Variants in EXTL3 observed in about 807,000 individuals in gnomAD.
EXTL3 encodes exostosin-like 3.
A neutral mutation model predicts 69.3 loss-of-function variants in EXTL3; 27 were observed. That is an observed-to-expected ratio of 0.39 (90% CI 0.29 to 0.54). The LOEUF (loss-of-function observed/expected upper bound fraction) is 0.54, where lower values mean the gene tolerates loss of function less well. Among genes scored for constraint, EXTL3 ranks in the 20% least tolerant of loss-of-function variants. The pLI, the probability that EXTL3 is intolerant of heterozygous loss-of-function variation, is 0.69. For synonymous variants in EXTL3, 511 were observed against 499.4 expected (o/e 1.02, Z -0.31); for missense variants, 1,003 against 1,231.8 (o/e 0.81, Z 2.78).
chr8:28,622,020 T>C (rs1331184094), upstream of EXTL3, among the ~76,000 whole-genome samples: 1 of 152,252 alleles, frequency 6.6e-6, no homozygotes, highest in Non-Finnish European at 1.5e-5. Flanking sequence ...CCTCGGGGCA[T>C]GTACGGGAAG....
intron 3 of EXTL3, among the ~76,000 whole-genome samples, chr8:28,729,827 A>C (rs955704354): frequency 1.3e-5 from 2 of 148,650 alleles, no homozygotes; most frequent in Non-Finnish European, 3.0e-5. Context: ...TAGTGATGAG[A>C]CTTCGAGAAC....
At chr8:28,663,435 C>T (rs1256052943) in intron 1 of EXTL3, among the ~76,000 whole-genome samples, 1 of 152,022 alleles carries the variant, frequency 6.6e-6, no homozygotes, top group Non-Finnish European at 1.5e-5. Flanking sequence ...GTTCTTATAC[C>T]TCCATTTGAA....
intron 1 of EXTL3, among the ~76,000 whole-genome samples, chr8:28,708,836 A>G (rs1216598622): frequency 6.6e-6 from 1 of 152,212 alleles, no homozygotes; most frequent in Non-Finnish European, 1.5e-5. Context: ...AAGCACAGAT[A>G]TACAGGTGGG....
In EXTL3 at chr8:28,743,098, C is replaced by T. The variant is rs1425144131; in HGVS notation, c.2434C>T (p.Leu812=). 6.2e-7 allele frequency: 1 copy of T among 1,614,158 alleles called. No homozygotes were observed. ...AAFFHKYYAY[L]YSYVMPQAIR... ...CTTCCCCTGACAGTATTATGCCTAC[C>T]TGTATTCTTATGTGATGCCCCAGGC... is the stretch of plus-strand genomic sequence containing the variant. Residue 812 remains leucine, a synonymous_variant, in exon 6 of 7, where the codon CTG becomes TTG. Transcript: ENST00000220562.
At chr8:28,731,543 G>A (rs1008676197) in intron 4 of EXTL3, among the ~76,000 whole-genome samples, 193 bp downstream of exon 4, 6 of 152,164 alleles carry the variant, frequency 3.9e-5, no homozygotes, top group South Asian at 4.1e-4. Flanking sequence ...TGTAGGCTCC[G>A]CTCTGTGTTC....
Position 28,731,281 on chromosome 8 carries a change from A to G in EXTL3, c.2207A>G (p.Glu736Gly), listed in dbSNP as rs776131097. ...CGATTCTTACCCTGGAATGAAATTG[A>G]GACAGAGGCCATCCTGTCCATTGAT... ...NNRFLPWNEI[E>G]TEAILSIDDD... Residue 736 changes from glutamate to glycine, a missense_variant, in exon 4 of 7, where the codon GAG (glutamate) becomes GGG (glycine). Glu to Gly is a moderately conservative substitution (Grantham distance 98, BLOSUM62 -2). Around this residue, in one of 2 missense-constraint regions of EXTL3, gnomAD observed 261 missense variants for 416.4 expected, o/e 0.63. Coordinates refer to ENST00000220562, the MANE Select transcript of EXTL3 (RefSeq NM_001440.4). 5.0e-6 allele frequency: 8 copies of G among 1,614,086 alleles called. No individual in the cohort carries two copies. In the Admixed American group the frequency reaches 1.2e-4, roughly 24 times the overall value.
intron 1 of EXTL3, among the ~76,000 whole-genome samples, chr8:28,638,229 T>C (rs1806686562): frequency 6.6e-6 from 1 of 152,206 alleles, no homozygotes; most frequent in African/African-American, 2.4e-5. Context: ...GGTAGTGGTG[T>C]TTTGCTTGGT....
chr8:28,728,103 G>A (rs543042968), intron 3 of EXTL3, among the ~76,000 whole-genome samples: 8 of 152,224 alleles, frequency 5.3e-5, no homozygotes, highest in Non-Finnish European at 1.0e-4. Flanking sequence ...GTTAGGTAAA[G>A]TGAATGTTCG....
chr8:28,743,671 A>G (rs1237653618), intron 6 of EXTL3, among the ~76,000 whole-genome samples: 1 of 152,120 alleles, frequency 6.6e-6, no homozygotes, highest in Non-Finnish European at 1.5e-5. Flanking sequence ...TTTCCCCTAG[A>G]TGTTGTGATT....
At chr8:28,666,270 C>G (rs1326678381) in intron 1 of EXTL3, among the ~76,000 whole-genome samples, 1 of 147,550 alleles carries the variant, frequency 6.8e-6, no homozygotes, top group South Asian at 2.1e-4. Flanking sequence ...TTTTCTTTTC[C>G]TTCCTTCCTT....
At chr8:28,680,450 G>A (rs1374225832) in intron 1 of EXTL3, among the ~76,000 whole-genome samples, 2 of 150,824 alleles carry the variant, frequency 1.3e-5, no homozygotes, top group Non-Finnish European at 2.9e-5. Flanking sequence ...AGCTTTATTA[G>A]TGTGTAACTG....
chr8:28,651,322 A>G (rs1485590022), intron 1 of EXTL3, among the ~76,000 whole-genome samples: 2 of 152,062 alleles, frequency 1.3e-5, no homozygotes, highest in African/African-American at 4.8e-5. Context: ...AGCTTTCAGA[A>G]CAGTTTCTTC....
At chr8:28,651,658 A>G (rs1806922977) in intron 1 of EXTL3, among the ~76,000 whole-genome samples, 1 of 152,162 alleles carries the variant, frequency 6.6e-6, no homozygotes, top group Non-Finnish European at 1.5e-5. Context: ...TTCATAGGTC[A>G]TTTTGCACAT....
At chr8:28,726,365 A>G (rs1801412709) in intron 3 of EXTL3, among the ~76,000 whole-genome samples, 1 of 152,240 alleles carries the variant, frequency 6.6e-6, no homozygotes, top group Non-Finnish European at 1.5e-5. Context: ...CTTTGAAGCA[A>G]AACTGTTAGA....
chr8:28,742,950 C>G (rs552529834), intron 5 of EXTL3, 136 bp from the exon 6 acceptor site: 1 of 888,392 alleles, frequency 1.1e-6, no homozygotes, highest in South Asian at 1.3e-5. Context: ...ATCCCCTGCC[C>G]CAGTCCCTAA....
At chr8:28,626,635 A>T (rs73563045) in intron 1 of EXTL3, among the ~76,000 whole-genome samples, 15,192 of 152,162 alleles carry the variant, frequency 0.1, 2,230 homozygotes, top group African/African-American at 0.32. Flanking sequence ...CTATCCCTGA[A>T]TCTTATAAAA....
chr8:28,642,358 A>G (rs1806758231), intron 1 of EXTL3, among the ~76,000 whole-genome samples: 1 of 151,684 alleles, frequency 6.6e-6, no homozygotes. Context: ...AGGCAGGACA[A>G]TCACTTGGGC....
chr8:28,638,281 G>T (rs1306207377), intron 1 of EXTL3, among the ~76,000 whole-genome samples: 1 of 152,126 alleles, frequency 6.6e-6, no homozygotes, highest in Non-Finnish European at 1.5e-5. Flanking sequence ...AGTTTATGGA[G>T]CTATTTATGG....
chr8:28,643,367 A>G (rs1563433749), intron 1 of EXTL3, among the ~76,000 whole-genome samples: 1 of 152,014 alleles, frequency 6.6e-6, no homozygotes, highest in South Asian at 2.1e-4. Context: ...CCTAAGAAGT[A>G]ACCACCGTCC....
Sources: gnomAD v4.1 joint callset for allele counts (sites outside exome capture counted in the v4.1 genomes callset) on GRCh38, gnomAD v4.1.1 for gene constraint, gnomAD v4.1.1 regional missense constraint, MANE v1.5 for transcripts, NCBI Gene and HGNC (gene_info 2026-07-23, HGNC 2026-07-21) for gene names.